DMD: variants seen among roughly 807,000 people sequenced by gnomAD.
DMD encodes mutant dystrophin.
A neutral mutation model predicts 330.1 loss-of-function variants in DMD; 63 were observed. The observed-to-expected ratio is 0.19, with a 90% confidence interval of 0.16 to 0.24. The LOEUF (loss-of-function observed/expected upper bound fraction) is 0.24. Among genes scored for constraint, DMD ranks in the 10% least tolerant of loss-of-function variants. The pLI is 1.00. For missense variants in DMD, 3,344 were observed against 2,684.1 expected (o/e 1.25, Z -5.43); for synonymous variants, 1,223 against 959.8 (o/e 1.27, Z -5.07).
intron 16 of DMD, among the ~76,000 whole-genome samples, chrX:32,554,834 GAGA>G (rs2050011202): frequency 8.7e-4 from 1 of 1,145 alleles, no homozygotes; most frequent in African/African-American, 5.9e-3. Flanking sequence ...GGGGGAGGGA[GAGA>G]GAGAGAGAGA....
chrX:31,669,468 G>A (rs2081620204), intron 53 of DMD, among the ~76,000 whole-genome samples: 1 of 111,620 alleles, frequency 9.0e-6, no homozygotes, highest in Non-Finnish European at 1.9e-5. Flanking sequence ...TTTCTTTTAT[G>A]ATACATTTAA....
At chrX:32,680,789 C>G (rs1007026912) in intron 9 of DMD, among the ~76,000 whole-genome samples, 6 of 109,136 alleles carry the variant, frequency 5.5e-5, no homozygotes, top group African/African-American at 2.1e-4. Flanking sequence ...ACCTTTCTCC[C>G]CAGCACACAC....
At chrX:33,239,566 G>A (rs1473250281) in intron 1 of DMD, among the ~76,000 whole-genome samples, 1 of 111,459 alleles carries the variant, frequency 9.0e-6, no homozygotes, top group Non-Finnish European at 1.9e-5. Context: ...CTGCATCTAA[G>A]TTAAAAAAAT....
chrX:32,581,978 A>G (rs751743385), intron 13 of DMD, among the ~76,000 whole-genome samples: 1 of 112,071 alleles, frequency 8.9e-6, no homozygotes, highest in East Asian at 2.8e-4. Flanking sequence ...CTGGAAAAAT[A>G]TATGATAAAA....
chrX:31,687,822 T>A lies in DMD; in HGVS notation c.7661-8236A>T, dbSNP rs1038229609. ...TGCTGCTTTTAGGATTCTTTCTTTA[T>A]CCTTGACCTGTGGGAGTTTGATTAT... On this transcript the variant is annotated intron_variant, in intron 52 of 78. Coordinates refer to ENST00000357033, the MANE Select transcript of DMD (RefSeq NM_004006.3). Among the ~76,000 whole-genome samples the A allele has an allele frequency of 2.7e-5, 3 of 112,015 alleles. No homozygotes were observed. In the Admixed American group the frequency reaches 2.8e-4, roughly 11 times the overall value.
intron 30 of DMD, among the ~76,000 whole-genome samples, chrX:32,396,179 G>T (rs2098042860): frequency 9.0e-6 from 1 of 111,201 alleles, no homozygotes; most frequent in African/African-American, 3.3e-5. Flanking sequence ...CAAGTAACCT[G>T]TGAGAGGAAT....
At chrX:31,809,149 ATATATAAATATATATGAGTT>A (rs771785746) in intron 50 of DMD, among the ~76,000 whole-genome samples, 4,504 of 69,837 alleles carry the variant, frequency 0.064, 93 homozygotes, top group Non-Finnish European at 0.081. Flanking sequence ...ATATGAGTTT[ATATATAAATATATATGAGTT>A]TATATATATA....
At chrX:32,814,411 T>C (rs1302604108) in intron 6 of DMD, among the ~76,000 whole-genome samples, 1 of 112,431 alleles carries the variant, frequency 8.9e-6, no homozygotes, top group African/African-American at 3.2e-5. Context: ...TTCTGTATAG[T>C]TGAACCACTC....
chrX:32,714,392 T>C (rs1030666582), intron 7 of DMD, among the ~76,000 whole-genome samples: 5 of 111,970 alleles, frequency 4.5e-5, no homozygotes, highest in African/African-American at 1.3e-4. Flanking sequence ...ACCCATTGAT[T>C]AGTTACCACT....
intron 2 of DMD, among the ~76,000 whole-genome samples, chrX:32,855,454 G>A (rs1441417487): frequency 9.0e-6 from 1 of 111,656 alleles, no homozygotes; most frequent in Non-Finnish European, 1.9e-5. Context: ...CATGCTAATG[G>A]CATAAAAACA....
At chrX:31,372,686 G>A (rs6653573) in intron 60 of DMD, among the ~76,000 whole-genome samples, 8,007 of 110,951 alleles carry the variant, frequency 0.072, 743 homozygotes, top group African/African-American at 0.25. Flanking sequence ...AATAATAAGA[G>A]CTATCTATGA....
At chrX:33,209,157 A>G (rs182161708) in intron 1 of DMD, among the ~76,000 whole-genome samples, 5 of 111,513 alleles carry the variant, frequency 4.5e-5, no homozygotes, top group African/African-American at 1.6e-4. Flanking sequence ...TTATGCATAG[A>G]ACACTTTGTA....
chrX:32,454,038 T>A (rs1265206858), intron 26 of DMD, among the ~76,000 whole-genome samples: 2 of 110,671 alleles, frequency 1.8e-5, no homozygotes. Context: ...TTATATTGAC[T>A]ATTATATTGT....
At chrX:31,797,595 C>A (rs7061354) in intron 50 of DMD, among the ~76,000 whole-genome samples, 28,587 of 111,118 alleles carry the variant, frequency 0.26, 2,624 homozygotes, top group East Asian at 0.4. Flanking sequence ...AATAGAATTA[C>A]TTGACCTAAT....
At chrX:33,134,205 C>T (rs1220325113) in intron 1 of DMD, among the ~76,000 whole-genome samples, 3 of 111,605 alleles carry the variant, frequency 2.7e-5, no homozygotes, top group Non-Finnish European at 3.8e-5. Context: ...AACTCCCCTC[C>T]GTTAGCTTTA....
chrX:32,161,905 T>C (rs1385977459), intron 44 of DMD, among the ~76,000 whole-genome samples: 1 of 112,119 alleles, frequency 8.9e-6, no homozygotes, highest in African/African-American at 3.2e-5. Context: ...ATGAGGACAC[T>C]GAGGCTAAGT....
chrX:31,942,087 T>A (rs1399793851), intron 45 of DMD, among the ~76,000 whole-genome samples: 1 of 112,014 alleles, frequency 8.9e-6, no homozygotes, highest in Non-Finnish European at 1.9e-5. Flanking sequence ...CTCTTTTAAG[T>A]TCTTTGAGAA....
At chrX:32,721,467 G>A (rs114363318) in intron 7 of DMD, among the ~76,000 whole-genome samples, 1,806 of 108,872 alleles carry the variant, frequency 0.017, 45 homozygotes, top group African/African-American at 0.056. Flanking sequence ...TATTGAGCAC[G>A]TTTTAATTTC....
intron 60 of DMD, among the ~76,000 whole-genome samples, chrX:31,416,167 A>G (rs1342425278): frequency 8.9e-6 from 1 of 112,106 alleles, no homozygotes; most frequent in African/African-American, 3.2e-5. Context: ...AGGAATTCAT[A>G]TTCTAGGACA....
Sources: gnomAD v4.1 joint callset for allele counts (sites outside exome capture counted in the v4.1 genomes callset) on GRCh38, gnomAD v4.1.1 for gene constraint, MANE v1.5 for transcripts, NCBI Gene and HGNC (gene_info 2026-07-23, HGNC 2026-07-21) for gene names.